ZNF454: variants seen among roughly 807,000 people sequenced by gnomAD.
ZNF454 encodes the protein zinc finger protein 454.
Under a neutral mutation model 48.2 loss-of-function variants are expected in ZNF454, and 30 were observed. The observed-to-expected ratio is 0.62, with a 90% CI of 0.47 to 0.84. ZNF454 has a LOEUF of 0.84. Among genes scored for constraint, ZNF454 ranks in the 40% least tolerant of loss-of-function variants. ZNF454 has a pLI of 0.00. For synonymous variants in ZNF454, 204 were observed against 211.4 expected, an observed-to-expected ratio of 0.97 and a Z score of 0.30; for missense variants, 510 against 623.1, an observed-to-expected ratio of 0.82 and a Z score of 1.93.
Position 178,946,587 on chromosome 5 carries a change from C to A in ZNF454, c.160+102C>A. On this transcript the variant is annotated intron_variant, in intron 3 of 4. Transcript: ENST00000519564. This position sits in a 1 kb window ranked among gnomAD's most constrained non-coding sequence, Gnocchi z 4.5. Reference sequence around the variant, plus strand: ...GAGTCGGTTGGACCAACTGAGGACGCTGTCTTCAAGGGTGCCATTAATTTT... The same window carrying A: ...GAGTCGGTTGGACCAACTGAGGACGATGTCTTCAAGGGTGCCATTAATTTT... 6.9e-7 allele frequency: 1 copy of A among 1,443,798 alleles called. No individual in the cohort carries two copies. The allele number at this position is 1,443,798 out of a possible 1,614,324, so 89.4% of individuals were successfully genotyped here.
At chr5:178,981,777 G>T in the ZNF454 span, 14 of 1,612,766 alleles carry the variant, frequency 8.7e-6, no homozygotes, top group Non-Finnish European at 1.2e-5. This position sits in a 1 kb window ranked among gnomAD's most constrained non-coding sequence, Gnocchi z 5.1. Context: ...CGTAGGTTTT[G>T]GGTACGTAGA....
the ZNF454 span, chr5:178,989,961 A>G: frequency 4.9e-6 from 1 of 204,588 alleles, no homozygotes; most frequent in Non-Finnish European, 1.0e-5. Context: ...TATCGCTAAA[A>G]CTACTCTCAG....
At chr5:178,986,881 C>A in the ZNF454 span, 3 of 1,614,044 alleles carry the variant, frequency 1.9e-6, no homozygotes, top group Non-Finnish European at 2.5e-6. Flanking sequence ...TGCCTGGTAC[C>A]CGCCACTGCT....
At chr5:178,952,902 G>GT (rs1335387219) in intron 4 of ZNF454, among the ~76,000 whole-genome samples, 2 of 151,554 alleles carry the variant, frequency 1.3e-5, no homozygotes, top group African/African-American at 4.8e-5. Flanking sequence ...AGTTTATTCT[G>GT]TTTTTTCCCC....
At position 178,965,656 on chromosome 5, in the gene ZNF454, G is replaced by A; in HGVS notation, c.1252G>A (p.Glu418Lys). Residue 418 changes from glutamate to lysine, a missense_variant, in exon 5 of 5, where the codon GAG becomes AAG. Around this residue, in one of 3 missense-constraint regions of ZNF454, gnomAD observed 153 missense variants for 195.8 expected, o/e 0.78. Coordinates refer to ENST00000519564, the MANE Select transcript of ZNF454 (RefSeq NM_001178089.3). The surrounding 1 kb of genome is among the most constrained non-coding windows in gnomAD (Gnocchi z 5.2). Reference sequence around the variant, plus strand: ...GAAACCTTACAGATGTGGCTTGTGTGAGAAAGCCTTTCGGGACCAATCAGC... The same window carrying A: ...GAAACCTTACAGATGTGGCTTGTGTAAGAAAGCCTTTCGGGACCAATCAGC... The part of the protein sequence containing the change: ...GEKPYRCGLC[E>K]KAFRDQSALA... 6.2e-7 allele frequency: 1 copy of A among 1,614,190 alleles called. No homozygotes were observed. Among genetic ancestry groups the A allele is most frequent in the Non-Finnish European group, 8.5e-7 (1 of 1,180,038 alleles).
chr5:178,970,989 C>T (rs751630168), downstream of ZNF454, among the ~76,000 whole-genome samples: 18 of 152,200 alleles, frequency 1.2e-4, no homozygotes, highest in Non-Finnish European at 2.5e-4. Flanking sequence ...TTTCCCATCA[C>T]CGGGGCCAGC....
chr5:178,985,717 A>AAAC, the ZNF454 span: 168 of 419,586 alleles, frequency 4.0e-4, 2 homozygotes, highest in Middle Eastern at 1.9e-3. Flanking sequence ...AAAAAAAACA[A>AAAC]AACAACACAG....
At chr5:178,985,827 T>C in the ZNF454 span, 380 of 531,358 alleles carry the variant, frequency 7.2e-4, 2 homozygotes, top group African/African-American at 6.3e-3. Context: ...AGTGGTGCGA[T>C]CTTGGCTCAC....
intron 4 of ZNF454, among the ~76,000 whole-genome samples, chr5:178,954,704 C>T (rs1759682341): frequency 6.6e-6 from 1 of 152,192 alleles, no homozygotes; most frequent in Admixed American, 6.5e-5. Context: ...CTGTCTTACT[C>T]CTTTGCTGTT....
the ZNF454 span, chr5:178,985,574 G>T: frequency 1.8e-5 from 6 of 339,664 alleles, no homozygotes; most frequent in South Asian, 1.4e-4. Flanking sequence ...GTGGTGGCGG[G>T]CGCCTGTAGT....
chr5:178,986,925 G>A, the ZNF454 span: 9 of 1,614,114 alleles, frequency 5.6e-6, no homozygotes, highest in Non-Finnish European at 7.6e-6. Flanking sequence ...ACTGGAAGAT[G>A]TCGTACCGCC....
At chr5:178,971,684 TAA>T in the ZNF454 span, among the ~76,000 whole-genome samples, 4 of 142,206 alleles carry the variant, frequency 2.8e-5, no homozygotes, top group Non-Finnish European at 1.5e-5. Context: ...CCATCTCTAC[TAA>T]AAAAAAAAAA....
chr5:178,976,773 A>G, the ZNF454 span, among the ~76,000 whole-genome samples: 1 of 152,212 alleles, frequency 6.6e-6, no homozygotes, highest in East Asian at 1.9e-4. Flanking sequence ...AAAGAAGTAC[A>G]CAGGGCATGG....
At chr5:178,971,019 G>A (rs1016895871), downstream of ZNF454, among the ~76,000 whole-genome samples, 2 of 152,232 alleles carry the variant, frequency 1.3e-5, no homozygotes, top group African/African-American at 4.8e-5. Flanking sequence ...GTGAGGCCAC[G>A]CCTGGCACCA....
chr5:178,981,735 C>T, the ZNF454 span: 1 of 1,614,054 alleles, frequency 6.2e-7, no homozygotes, highest in South Asian at 1.1e-5. This position sits in a 1 kb window ranked among gnomAD's most constrained non-coding sequence, Gnocchi z 5.1. Context: ...GCTTTCGCTT[C>T]TGCACATTCT....
chr5:178,945,631 TTG>T (rs965981207), intron 2 of ZNF454, among the ~76,000 whole-genome samples: 3 of 145,048 alleles, frequency 2.1e-5, no homozygotes, highest in South Asian at 2.3e-4. Flanking sequence ...GGTGTGTGTT[TTG>T]TGTGTGTGTG....
the ZNF454 span, chr5:178,986,699 T>A: frequency 6.2e-7 from 1 of 1,604,716 alleles, no homozygotes; most frequent in Non-Finnish European, 8.5e-7. Context: ...CAGGGCAGGC[T>A]GCACAGAGAC....
rs1045002247 is a variant in ZNF454 at position 178,941,588 on chromosome 5, G to T, written c.-108+144G>T. On this transcript the variant is annotated intron_variant, in intron 1 of 4. Transcript: ENST00000519564. The surrounding 1 kb of genome is among the most constrained non-coding windows in gnomAD (Gnocchi z 5.5). ...TGGAGCGGACTCCGAGAAGCCCAGG[G>T]TTTCCTCTCAGGTGATAGATACACG... The T allele has an allele frequency of 1.8e-5, 8 of 434,030 alleles. No individual in the cohort carries two copies. Among genetic ancestry groups the T allele is most frequent in the Middle Eastern group, 7.0e-4 (2 of 2,856 alleles). 26.9% of individuals were successfully genotyped at this position (434,030 alleles called of 1,614,324 possible). A position where few individuals can be genotyped will look rare whatever the true frequency, so the allele number is the denominator to read the frequency against.
At position 178,941,618 on chromosome 5, in the gene ZNF454, G is replaced by T. The variant is rs567507358; in HGVS notation, c.-108+174G>T. Among the ~76,000 whole-genome samples the T allele has an allele frequency of 9.2e-5, 14 of 152,222 alleles. No individual in the cohort carries two copies. The highest frequency in any genetic ancestry group is 1.5e-5 in the Non-Finnish European group (1 of 67,998). ...CTCTCAGGTGATAGATACACGCCTGGCGTGGTTCCGAGTCCTGCGCCAGGA... is the reference window on the plus strand; with the variant it reads ...CTCTCAGGTGATAGATACACGCCTGTCGTGGTTCCGAGTCCTGCGCCAGGA... On this transcript the variant is annotated intron_variant, in intron 1 of 4. Transcript: ENST00000519564. This position sits in a 1 kb window ranked among gnomAD's most constrained non-coding sequence, Gnocchi z 5.5.
Sources: allele counts gnomAD v4.1 joint callset (sites outside exome capture counted in the v4.1 genomes callset), GRCh38; gene constraint gnomAD v4.1.1; regional missense constraint gnomAD v4.1.1; non-coding constraint Gnocchi (gnomAD v3.1); transcripts MANE v1.5; gene names NCBI Gene and HGNC (gene_info 2026-07-23, HGNC 2026-07-21).